Variants in CFAP95 observed in about 807,000 individuals in gnomAD.
The protein encoded by CFAP95 is cilia- and flagella-associated protein 95.
chr9:69,871,882 A>G, the CFAP95 span, among the ~76,000 whole-genome samples: 2 of 152,174 alleles, frequency 1.3e-5, no homozygotes, highest in Non-Finnish European at 2.9e-5. Flanking sequence ...TATTTAAAAC[A>G]CAAAGATAAC....
chr9:69,836,576 A>G, the CFAP95 span, among the ~76,000 whole-genome samples: 1 of 151,942 alleles, frequency 6.6e-6, no homozygotes, highest in Non-Finnish European at 1.5e-5. Context: ...TGTATTGTGA[A>G]CTCAATTCAG....
At chr9:69,864,947 G>A in the CFAP95 span, among the ~76,000 whole-genome samples, 5 of 152,080 alleles carry the variant, frequency 3.3e-5, no homozygotes, top group Non-Finnish European at 5.9e-5. Flanking sequence ...TTACCCTATG[G>A]TGATGATGAT....
chr9:69,837,678 G>T, the CFAP95 span, among the ~76,000 whole-genome samples: 1 of 152,098 alleles, frequency 6.6e-6, no homozygotes, highest in Non-Finnish European at 1.5e-5. Context: ...CCATTTTGTA[G>T]GTTGCCTGTT....
chr9:69,889,476 A>G, the CFAP95 span, among the ~76,000 whole-genome samples: 1 of 152,188 alleles, frequency 6.6e-6, no homozygotes, highest in African/African-American at 2.4e-5. Flanking sequence ...TGGTCCTGAG[A>G]TCCTCTCCTA....
At chr9:69,838,519 T>C in the CFAP95 span, among the ~76,000 whole-genome samples, 1 of 151,688 alleles carries the variant, frequency 6.6e-6, no homozygotes, top group East Asian at 2.0e-4. Flanking sequence ...TCACTCATGA[T>C]TTGGCTCTCT....
At chr9:69,882,810 G>A in the CFAP95 span, among the ~76,000 whole-genome samples, 1 of 152,102 alleles carries the variant, frequency 6.6e-6, no homozygotes, top group Non-Finnish European at 1.5e-5. Flanking sequence ...GCTTGGTCAT[G>A]ATGAATGATT....
chr9:69,856,391 A>G, the CFAP95 span, among the ~76,000 whole-genome samples: 1 of 152,224 alleles, frequency 6.6e-6, no homozygotes, highest in African/African-American at 2.4e-5. Context: ...CTATTTTTAC[A>G]TATTTATGAT....
the CFAP95 span, among the ~76,000 whole-genome samples, chr9:69,843,508 T>A: frequency 0.022 from 18 of 814 alleles, 5 homozygotes; most frequent in African/African-American, 0.065. Flanking sequence ...CCTCCCCCCC[T>A]CCTCCTCCTC....
chr9:69,844,983 C>T, the CFAP95 span, among the ~76,000 whole-genome samples: 1 of 152,182 alleles, frequency 6.6e-6, no homozygotes, highest in African/African-American at 2.4e-5. Context: ...TATTAACCAT[C>T]ACTAATTACA....
the CFAP95 span, among the ~76,000 whole-genome samples, chr9:69,842,941 T>C: frequency 1.3e-5 from 2 of 152,114 alleles, no homozygotes; most frequent in Non-Finnish European, 1.5e-5. Flanking sequence ...GCAGGAGTGT[T>C]AATGGGAATG....
At chr9:69,838,743 G>T in the CFAP95 span, among the ~76,000 whole-genome samples, 2 of 141,502 alleles carry the variant, frequency 1.4e-5, no homozygotes, top group African/African-American at 5.2e-5. Flanking sequence ...CTGCCTAATT[G>T]CCCTGGCCAG....
At chr9:69,831,161 G>A in the CFAP95 span, among the ~76,000 whole-genome samples, 3 of 152,098 alleles carry the variant, frequency 2.0e-5, no homozygotes, top group South Asian at 6.2e-4. Flanking sequence ...TCTCCAATCA[G>A]ATGGTTCCAG....
chr9:69,890,237 T>C, the CFAP95 span, among the ~76,000 whole-genome samples: 1 of 152,298 alleles, frequency 6.6e-6, no homozygotes, highest in Middle Eastern at 3.4e-3. Flanking sequence ...TTAGGGCACA[T>C]AAATCATTAA....
chr9:69,904,709 A>G, the CFAP95 span, among the ~76,000 whole-genome samples: 1 of 152,184 alleles, frequency 6.6e-6, no homozygotes, highest in African/African-American at 2.4e-5. Flanking sequence ...TTGGCCAGTG[A>G]TGCTCAAATC....
At chr9:69,877,324 T>A in the CFAP95 span, among the ~76,000 whole-genome samples, 5 of 152,188 alleles carry the variant, frequency 3.3e-5, 1 homozygote, top group South Asian at 1.0e-3. Flanking sequence ...CATAGAGTCA[T>A]ATGACTATTA....
At chr9:69,894,259 A>G in the CFAP95 span, among the ~76,000 whole-genome samples, 1 of 152,274 alleles carries the variant, frequency 6.6e-6, no homozygotes, top group East Asian at 1.9e-4. Context: ...TAAGAACCAC[A>G]TTTCCTAGGC....
At chr9:69,903,160 G>A in the CFAP95 span, among the ~76,000 whole-genome samples, 28 of 152,134 alleles carry the variant, frequency 1.8e-4, no homozygotes, top group Non-Finnish European at 3.7e-4. Flanking sequence ...TTGGTGTCAT[G>A]CTAGATTGGT....
chr9:69,877,880 G>T, the CFAP95 span, among the ~76,000 whole-genome samples: 1,841 of 152,190 alleles, frequency 0.012, 36 homozygotes, highest in African/African-American at 0.042. Flanking sequence ...ACTATTTCAG[G>T]GGGAGAATTT....
At chr9:69,858,189 G>C in the CFAP95 span, 3 of 530,514 alleles carry the variant, frequency 5.7e-6, no homozygotes, top group Non-Finnish European at 1.0e-5. Flanking sequence ...ACTATTTGCA[G>C]ATCCTGTATT....
Sources: allele counts gnomAD v4.1 joint callset (sites outside exome capture counted in the v4.1 genomes callset), GRCh38; gene constraint gnomAD v4.1.1; transcripts MANE v1.5; gene names NCBI Gene and HGNC (gene_info 2026-07-23, HGNC 2026-07-21).